KCND2: variants seen among roughly 807,000 people sequenced by gnomAD.
The protein encoded by KCND2 is potassium voltage-gated channel subfamily D member 2.
KCND2 carries 16 observed loss-of-function variants against 54.4 expected under a neutral mutation model. The observed-to-expected ratio is 0.29, with a 90% CI of 0.20 to 0.45. The LOEUF is 0.45. Among genes scored for constraint, KCND2 ranks in the 20% least tolerant of loss-of-function variants. KCND2 has a pLI of 1.00. For synonymous variants in KCND2, 317 were observed against 310.7 expected (o/e 1.02, Z -0.21); for missense variants, 486 against 824.2 (o/e 0.59, Z 5.02).
intron 1 of KCND2, among the ~76,000 whole-genome samples, chr7:120,551,764 A>C (rs1792107651): frequency 6.6e-6 from 1 of 152,156 alleles, no homozygotes; most frequent in South Asian, 2.1e-4. Context: ...ACAGCCTGTA[A>C]CCTGTGTATC....
intron 1 of KCND2, among the ~76,000 whole-genome samples, chr7:120,677,785 A>G (rs981998630): frequency 6.6e-6 from 1 of 151,994 alleles, no homozygotes; most frequent in African/African-American, 2.4e-5. Context: ...CTGTTACTTC[A>G]AAGACTAGCT....
At chr7:120,508,378 A>AT (rs1214974708) in intron 1 of KCND2, among the ~76,000 whole-genome samples, 2 of 151,814 alleles carry the variant, frequency 1.3e-5, no homozygotes, top group African/African-American at 4.8e-5. Flanking sequence ...ATCTTTTGTT[A>AT]TTTTTTGTAG....
At chr7:120,299,800 T>C (rs1002057440) in intron 1 of KCND2, among the ~76,000 whole-genome samples, 2 of 152,184 alleles carry the variant, frequency 1.3e-5, no homozygotes, top group African/African-American at 4.8e-5. Flanking sequence ...AGTTTCCACA[T>C]AAAATTATTT....
chr7:120,740,907 ATTTG>A (rs3834346), intron 2 of KCND2: 130,371 of 452,192 alleles, frequency 0.29, 23,935 homozygotes, highest in African/African-American at 0.67. Flanking sequence ...GTTTTTGTTT[ATTTG>A]TTTGTTTGTT....
At chr7:120,465,581 T>C (rs1802356507) in intron 1 of KCND2, among the ~76,000 whole-genome samples, 1 of 152,160 alleles carries the variant, frequency 6.6e-6, no homozygotes. Context: ...AGAGTTTCAG[T>C]GAAAACCTGA....
In KCND2 at chr7:120,339,762, A is replaced by C. The variant is rs185155450; in HGVS notation, c.1115+64015A>C. On this transcript the variant is annotated intron_variant, in intron 1 of 5. Coordinates refer to ENST00000331113, the MANE Select transcript of KCND2 (RefSeq NM_012281.3). ...GTCAGTGCTGTTGAAAACACAGAGC[A>C]GAGGGAAGGGAAGGGGATCAGGTTG... Among the ~76,000 whole-genome samples, 122 of 152,280 alleles carry C rather than the reference A, an allele frequency of 8.0e-4. 1 individual carries two copies. Among genetic ancestry groups the C allele is most frequent in the Non-Finnish European group, 1.5e-4 (10 of 68,020 alleles).
At chr7:120,739,408 C>G (rs1792912669) in intron 2 of KCND2, among the ~76,000 whole-genome samples, 1 of 152,002 alleles carries the variant, frequency 6.6e-6, no homozygotes, top group African/African-American at 2.4e-5. Context: ...TTTTCACTTG[C>G]TACTGTTTCA....
At chr7:120,725,356 T>A (rs1426488738) in intron 1 of KCND2, among the ~76,000 whole-genome samples, 1 of 152,242 alleles carries the variant, frequency 6.6e-6, no homozygotes, top group South Asian at 2.1e-4. Context: ...AAATTACTTA[T>A]CTTTGTAAAA....
At chr7:120,319,286 C>T (rs1799857813) in intron 1 of KCND2, among the ~76,000 whole-genome samples, 1 of 151,962 alleles carries the variant, frequency 6.6e-6, no homozygotes, top group African/African-American at 2.4e-5. Context: ...GTAACAAGGG[C>T]ATAGCTATGG....
chr7:120,651,351 A>C (rs551038104), intron 1 of KCND2, among the ~76,000 whole-genome samples: 1 of 152,040 alleles, frequency 6.6e-6, no homozygotes, highest in Admixed American at 6.5e-5. Flanking sequence ...GCTGCCTTGC[A>C]GTTCGATCTC....
chr7:120,278,456 A>G (rs1166619737), intron 1 of KCND2, among the ~76,000 whole-genome samples: 1 of 151,614 alleles, frequency 6.6e-6, no homozygotes, highest in Non-Finnish European at 1.5e-5. Context: ...ATGTTCTTCA[A>G]TTAGTGATAA....
intron 1 of KCND2, among the ~76,000 whole-genome samples, chr7:120,414,748 C>T (rs1295923196): frequency 3.3e-5 from 5 of 152,128 alleles, no homozygotes; most frequent in Non-Finnish European, 5.9e-5. Flanking sequence ...CCATTGTCAT[C>T]GGCCTCTCTT....
At chr7:120,404,253 A>G (rs925914246) in intron 1 of KCND2, among the ~76,000 whole-genome samples, 2 of 152,142 alleles carry the variant, frequency 1.3e-5, no homozygotes, top group African/African-American at 4.8e-5. Flanking sequence ...TTAATAATGA[A>G]CCTTGGGGAA....
chr7:120,375,599 A>G (rs1217785849), intron 1 of KCND2, among the ~76,000 whole-genome samples: 1 of 151,822 alleles, frequency 6.6e-6, no homozygotes, highest in African/African-American at 2.4e-5. Flanking sequence ...TTATTTTTAT[A>G]TAGATAAAAA....
At chr7:120,597,837 G>A (rs574992451) in intron 1 of KCND2, among the ~76,000 whole-genome samples, 35 of 152,218 alleles carry the variant, frequency 2.3e-4, no homozygotes, top group African/African-American at 7.9e-4. Flanking sequence ...AGTCAGTCTT[G>A]TTTCCTGAGT....
intron 1 of KCND2, among the ~76,000 whole-genome samples, chr7:120,313,299 C>T (rs1799766618): frequency 6.6e-6 from 1 of 152,028 alleles, no homozygotes. Flanking sequence ...AGTTGTTCAT[C>T]TTATTATCAT....
intron 1 of KCND2, among the ~76,000 whole-genome samples, chr7:120,558,992 A>ACTGTGTGTGTGTGTGTGTGTGTGTTT (rs1792199027): frequency 1.2e-5 from 1 of 81,800 alleles, no homozygotes; most frequent in Admixed American, 1.4e-4. Flanking sequence ...TTCACAAAGT[A>ACTGTGTGTGTGTGTGTGTGTGTGTTT]CTGTGTGTGT....
chr7:120,276,864 G>A (rs1283831758), intron 1 of KCND2, among the ~76,000 whole-genome samples: 2 of 152,068 alleles, frequency 1.3e-5, no homozygotes, highest in Admixed American at 1.3e-4. Context: ...AAGCTGGGGA[G>A]TGATGTGAGT....
At chr7:120,530,442 A>G (rs540425478) in intron 1 of KCND2, among the ~76,000 whole-genome samples, 2 of 152,250 alleles carry the variant, frequency 1.3e-5, no homozygotes, top group East Asian at 1.9e-4. Flanking sequence ...GTGCTTTCTC[A>G]TTATTACCCA....
Sources: allele counts gnomAD v4.1 joint callset (sites outside exome capture counted in the v4.1 genomes callset), GRCh38; gene constraint gnomAD v4.1.1; transcripts MANE v1.5; gene names NCBI Gene and HGNC (gene_info 2026-07-23, HGNC 2026-07-21).